The following ALDH6A1 variants were observed in gnomAD, a reference collection of about 807,000 sequenced individuals.
ALDH6A1 encodes the protein aldehyde dehydrogenase 6 family member A1, also known as methylmalonate-semialdehyde/malonate-semialdehyde dehydrogenase [acylating], mitochondrial.
A neutral mutation model predicts 62.6 loss-of-function variants in ALDH6A1; 43 were observed. The observed-to-expected ratio is 0.69, with a 90% CI of 0.54 to 0.89. The LOEUF is 0.89. Ranked by LOEUF, ALDH6A1 falls within the 40% of genes least tolerant of loss-of-function variation. The pLI is 0.00. For synonymous variants in ALDH6A1, 194 were observed against 234.2 expected (o/e 0.83, Z 1.57); for missense variants, 551 against 661.3 (o/e 0.83, Z 1.83).
At position 74,068,849 on chromosome 14, in the gene ALDH6A1, TAAG is replaced by T; in HGVS notation, c.852+8_852+10del. 2 of 1,613,758 alleles carry T rather than the reference TAAG, an allele frequency of 1.2e-6. No individual in the cohort carries two copies. The highest frequency in any genetic ancestry group is 1.3e-5 in the African/African-American group (1 of 75,004). On this transcript the variant is annotated splice_region_variant and intron_variant, in intron 7 of 11. Coordinates refer to ENST00000553458, the MANE Select transcript of ALDH6A1 (RefSeq NM_005589.4). The stretch of plus-strand genomic sequence containing the variant: ...GAACAAAGATTGGAGAAAAAAGGAA[TAAG>T]AAGTCACCATATTGGCTTGAACCCT...
chr14:74,084,280 G>A, intron 1 of ALDH6A1, 67 bp downstream of exon 1: 1 of 1,609,056 alleles, frequency 6.2e-7, no homozygotes, highest in Non-Finnish European at 8.5e-7. Flanking sequence ...CCCGAGGATG[G>A]CTCAGGGAGC....
chr14:74,063,133 C>T (rs1258540626), intron 11 of ALDH6A1, among the ~76,000 whole-genome samples: 1 of 152,066 alleles, frequency 6.6e-6, no homozygotes, highest in Non-Finnish European at 1.5e-5. Context: ...TGCCATGCTT[C>T]TTCCTGCCTC....
chr14:74,069,185 A>G (rs1595121868), intron 6 of ALDH6A1: 1 of 453,436 alleles, frequency 2.2e-6, no homozygotes, highest in East Asian at 4.8e-5. Flanking sequence ...GCTCACTGCA[A>G]CCTCCGCCTC....
At chr14:74,073,239 G>T (rs1449640830) in intron 2 of ALDH6A1, among the ~76,000 whole-genome samples, 1 of 152,058 alleles carries the variant, frequency 6.6e-6, no homozygotes, top group Non-Finnish European at 1.5e-5. Flanking sequence ...GAGCAGCTGG[G>T]ACTACAGGCA....
intron 10 of ALDH6A1, 113 bp from the exon 11 acceptor site, chr14:74,065,033 C>T: frequency 2.2e-6 from 3 of 1,372,466 alleles, no homozygotes; most frequent in South Asian, 2.4e-5. Flanking sequence ...TATCCTCTAC[C>T]CCATGAACTT....
At chr14:74,065,065 G>A (rs2060438505) in intron 10 of ALDH6A1, 116 bp downstream of exon 10, 9 of 1,404,410 alleles carry the variant, frequency 6.4e-6, no homozygotes, top group Non-Finnish European at 9.0e-6. Flanking sequence ...GAAGAAATGG[G>A]GCAATGTGGG....
chr14:74,072,012 A>G, intron 4 of ALDH6A1, 38 bp from the exon 5 acceptor site: 1 of 1,602,996 alleles, frequency 6.2e-7, no homozygotes, highest in Non-Finnish European at 8.5e-7. Context: ...TAATGCAAGA[A>G]TGTTCCTCTT....
At position 74,058,852 on chromosome 14, in the gene ALDH6A1, AG is replaced by A. The variant is rs2060277309; in HGVS notation, c.*1789del. 6.5e-6 allele frequency: 1 copy of A among 152,846 alleles called. No homozygotes were observed. Among genetic ancestry groups the A allele is most frequent in the Non-Finnish European group, 1.5e-5 (1 of 68,586 alleles). 9.5% of individuals were successfully genotyped at this position (152,846 alleles called of 1,614,324 possible). A position where few individuals can be genotyped will look rare whatever the true frequency, so the allele number is the denominator to read the frequency against. On this transcript the variant is annotated 3_prime_UTR_variant, in exon 12 of 12. Coordinates refer to ENST00000553458, the MANE Select transcript of ALDH6A1 (RefSeq NM_005589.4). ...GTAATCCCAGCACTTTGGGAGGCCA[AG>A]GCAGGCAGATCACCTGAGGTCGGGA...
At chr14:74,081,403 C>A (rs958790713) in intron 1 of ALDH6A1, 1 of 152,106 alleles carries the variant, frequency 6.6e-6, no homozygotes, top group African/African-American at 2.4e-5. Context: ...GCATTCTAGG[C>A]CACTTAAATT....
In ALDH6A1 at chr14:74,072,622, C is replaced by A. The variant is rs2302126; in HGVS notation, c.112-11G>T. On this transcript the variant is annotated splice_polypyrimidine_tract_variant and intron_variant, in intron 2 of 11. Transcript: ENST00000553458. Reference sequence around the variant, plus strand: ...GAGCTTTACAGTTGGCTGAAAAAAACAAACAAACAAACAAACAAACAAAAA... The same window carrying A: ...GAGCTTTACAGTTGGCTGAAAAAAAAAAACAAACAAACAAACAAACAAAAA... 0.15 allele frequency: 226,097 copies of A among 1,550,662 alleles called. 18,897 individuals carry two copies. The highest frequency in any genetic ancestry group is 0.51 in the East Asian group (22,577 of 43,912).
Position 74,084,423 on chromosome 14 carries a change from C to T in ALDH6A1, c.-29G>A. 1 of 1,611,618 alleles carries T rather than the reference C, an allele frequency of 6.2e-7. No individual in the cohort carries two copies. The highest frequency in any genetic ancestry group is 8.5e-7 in the Non-Finnish European group (1 of 1,179,526). ...TCTCGGCCGCCCTAGCTCCGCACCC[C>T]GCGCCTCTACTGCCCAGAAGCACTA... On this transcript the variant is annotated 5_prime_UTR_variant, in exon 1 of 12. Transcript: ENST00000553458.
rs1303283056 is a variant in ALDH6A1 at position 74,064,975 on chromosome 14, G to GA, written c.1405-56dup. 9.8e-6 allele frequency: 15 copies of GA among 1,529,810 alleles called. No homozygotes were observed. In the African/African-American group the frequency reaches 1.9e-4, roughly 20 times the overall value. 94.8% of individuals were successfully genotyped at this position (1,529,810 alleles called of 1,614,324 possible). ...TAAGGACAAAGGAACTCTCCATTTAGAAACACAAAGGCATCAGAGACCAGT... is the reference window on the plus strand; with the variant it reads ...TAAGGACAAAGGAACTCTCCATTTAGAAAACACAAAGGCATCAGAGACCAGT... On this transcript the variant is annotated intron_variant, in intron 10 of 11. Coordinates refer to ENST00000553458, the MANE Select transcript of ALDH6A1 (RefSeq NM_005589.4).
At chr14:74,075,516 C>T (rs1175807391) in intron 1 of ALDH6A1, among the ~76,000 whole-genome samples, 1 of 151,880 alleles carries the variant, frequency 6.6e-6, no homozygotes, top group East Asian at 1.9e-4. Context: ...ATTAGCCAGG[C>T]AGTGGTGGCA....
chr14:74,067,692 G>A, intron 7 of ALDH6A1, 123 bp from the exon 8 acceptor site: 1 of 1,034,462 alleles, frequency 9.7e-7, no homozygotes, highest in East Asian at 2.5e-5. Context: ...GAAGGCTGAG[G>A]TGAGAAGGAT....
intron 7 of ALDH6A1, among the ~76,000 whole-genome samples, chr14:74,068,480 C>T (rs867900835): frequency 3.5e-4 from 54 of 152,116 alleles, no homozygotes; most frequent in African/African-American, 1.2e-3. Context: ...AAGGCTTACG[C>T]CTGTAATCCC....
At chr14:74,074,718 A>G (rs1241726461) in intron 2 of ALDH6A1, among the ~76,000 whole-genome samples, 1 of 152,214 alleles carries the variant, frequency 6.6e-6, no homozygotes, top group East Asian at 1.9e-4. Context: ...AAACCACTCT[A>G]AAGGTCATTA....
intron 9 of ALDH6A1, among the ~76,000 whole-genome samples, chr14:74,066,491 A>G (rs551849636): frequency 6.6e-6 from 1 of 152,194 alleles, no homozygotes; most frequent in Non-Finnish European, 1.5e-5. Flanking sequence ...CTATCCCTTT[A>G]TGGAAAGTCT....
chr14:74,084,415 C>A lies in ALDH6A1; in HGVS notation c.-21G>T. On this transcript the variant is annotated 5_prime_UTR_variant, in exon 1 of 12. Coordinates refer to ENST00000553458, the MANE Select transcript of ALDH6A1 (RefSeq NM_005589.4). The stretch of plus-strand genomic sequence containing the variant: ...GCCATGGCTCTCGGCCGCCCTAGCT[C>A]CGCACCCCGCGCCTCTACTGCCCAG... The A allele has an allele frequency of 3.7e-6, 6 of 1,612,222 alleles. No individual in the cohort carries two copies. The highest frequency in any genetic ancestry group is 5.1e-6 in the Non-Finnish European group (6 of 1,179,696).
chr14:74,082,175 A>G (rs1454803529), intron 1 of ALDH6A1, among the ~76,000 whole-genome samples: 2 of 152,198 alleles, frequency 1.3e-5, no homozygotes, highest in Non-Finnish European at 2.9e-5. Flanking sequence ...ACTGCACTCC[A>G]GCCTGGGTGA....
Sources: allele counts gnomAD v4.1 joint callset (sites outside exome capture counted in the v4.1 genomes callset), GRCh38; gene constraint gnomAD v4.1.1; transcripts MANE v1.5; gene names NCBI Gene and HGNC (gene_info 2026-07-23, HGNC 2026-07-21).